Variants in GPR158 observed in about 807,000 individuals in gnomAD.
The protein encoded by GPR158 is G protein-coupled receptor 158.
In GPR158, 30 loss-of-function variants were observed where a neutral mutation model predicts 78.2. The ratio of observed to expected loss-of-function variants is 0.38; its 90% CI spans 0.29 to 0.52. The LOEUF is 0.52. Ranked by LOEUF, GPR158 falls within the 20% of genes least tolerant of loss-of-function variation. GPR158 has a pLI of 0.83. For synonymous variants in GPR158, 581 were observed against 591.1 expected, an observed-to-expected ratio of 0.98 and a Z score of 0.25; for missense variants, 1,463 against 1,523.5, an observed-to-expected ratio of 0.96 and a Z score of 0.66.
chr10:25,500,712 C>T (rs776446394), intron 5 of GPR158, among the ~76,000 whole-genome samples: 1 of 152,128 alleles, frequency 6.6e-6, no homozygotes, highest in Non-Finnish European at 1.5e-5. Context: ...CACATGCATG[C>T]ATTTAAATCT....
intron 2 of GPR158, among the ~76,000 whole-genome samples, chr10:25,324,708 C>T (rs1352448262): frequency 6.6e-6 from 1 of 151,988 alleles, no homozygotes; most frequent in Non-Finnish European, 1.5e-5. Flanking sequence ...ATCTGTGAAG[C>T]ACAATAAAGC....
chr10:25,366,430 T>G (rs1164685432), intron 2 of GPR158, among the ~76,000 whole-genome samples: 3 of 151,708 alleles, frequency 2.0e-5, no homozygotes, highest in African/African-American at 4.8e-5. Flanking sequence ...GTTCTTTTAG[T>G]TTTTAAACTT....
rs1554787189 is a variant in GPR158, at chr10:25,241,279, T to TCCTTTCTTTCTTTC, written c.1008+20123_1008+20124insCTTTCTTTCTTTCC. Reference sequence around the variant, plus strand: ...CTTTCCTTTCTTTCTTTCCTTTCTTTCTTTCTTTTCTTTTCTTTTCTTTTC... The same window carrying TCCTTTCTTTCTTTC: ...CTTTCCTTTCTTTCTTTCCTTTCTTTCCTTTCTTTCTTTCCTTTCTTTTCTTTTCTTTTCTTTTC... On this transcript the variant is annotated intron_variant, in intron 2 of 10. Transcript: ENST00000376351. 3.6e-3 allele frequency among the ~76,000 whole-genome samples: 308 copies of TCCTTTCTTTCTTTC among 86,736 alleles called. 18 individuals carry two copies. The East Asian group carries it at 0.037, about 10-fold the overall frequency. The allele number at this position is 86,736 out of a possible 152,430, so 56.9% of individuals were successfully genotyped here. A position where few individuals can be genotyped will look rare whatever the true frequency, so the allele number is the denominator to read the frequency against.
At chr10:25,389,964 TC>T (rs1834271554) in intron 2 of GPR158, among the ~76,000 whole-genome samples, 1 of 152,206 alleles carries the variant, frequency 6.6e-6, no homozygotes, top group South Asian at 2.1e-4. Context: ...GCAGGTTTTT[TC>T]CATGCTGTTC....
At chr10:25,348,719 A>T (rs1564428990) in intron 2 of GPR158, among the ~76,000 whole-genome samples, 1 of 151,990 alleles carries the variant, frequency 6.6e-6, no homozygotes, top group Admixed American at 6.6e-5. Context: ...TTAATCCAAG[A>T]TAAATTTTTC....
chr10:25,436,065 A>G (rs1276355380), intron 4 of GPR158, among the ~76,000 whole-genome samples: 1 of 152,164 alleles, frequency 6.6e-6, no homozygotes, highest in East Asian at 1.9e-4. Flanking sequence ...AGGATGAGGG[A>G]AGGAAAAATC....
intron 4 of GPR158, among the ~76,000 whole-genome samples, chr10:25,426,605 C>T (rs1834827124): frequency 6.6e-6 from 1 of 152,030 alleles, no homozygotes; most frequent in Admixed American, 6.6e-5. Context: ...GTCAGTGGAG[C>T]AGTCAGAATA....
At chr10:25,368,834 CTT>C (rs993258751) in intron 2 of GPR158, among the ~76,000 whole-genome samples, 2 of 144,134 alleles carry the variant, frequency 1.4e-5, no homozygotes, top group African/African-American at 5.2e-5. Flanking sequence ...TTTGTATCCT[CTT>C]TTATTTCCTT....
chr10:25,364,181 A>G (rs1855684337), intron 2 of GPR158, among the ~76,000 whole-genome samples: 1 of 151,928 alleles, frequency 6.6e-6, no homozygotes, highest in Non-Finnish European at 1.5e-5. Flanking sequence ...CATTGCTATT[A>G]ATATAGCTGG....
intron 2 of GPR158, among the ~76,000 whole-genome samples, chr10:25,393,176 T>G (rs1369508362): frequency 4.6e-5 from 7 of 152,204 alleles, no homozygotes; most frequent in Non-Finnish European, 1.5e-5. Flanking sequence ...GCTGTAGAGT[T>G]AGTTTATAGC....
Position 25,241,419 on chromosome 10 carries a change from T to TCTCTTCTCTTCTCTTC in GPR158, c.1008+20262_1008+20263insCTCTTCTCTTCTCTTC, listed in dbSNP as rs1564399858. ...CTCTTCTCTTCTCTTCTCTTTTCTT[T>TCTCTTCTCTTCTCTTC]TCTTTTCTTTTCTTTTCTTTCGACA... On this transcript the variant is annotated intron_variant, in intron 2 of 10. Coordinates refer to ENST00000376351, the MANE Select transcript of GPR158 (RefSeq NM_020752.3). Among the ~76,000 whole-genome samples the TCTCTTCTCTTCTCTTC allele has an allele frequency of 2.2e-3, 193 of 88,410 alleles. 23 individuals carry two copies. The highest frequency in any genetic ancestry group is 0.01 in the African/African-American group (188 of 18,390). The allele number at this position is 88,410 out of a possible 152,430, so 58.0% of individuals were successfully genotyped here.
intron 2 of GPR158, among the ~76,000 whole-genome samples, chr10:25,255,983 A>G (rs191430205): frequency 1.4e-3 from 211 of 152,314 alleles, no homozygotes; most frequent in African/African-American, 4.8e-3. Flanking sequence ...TACCTTCTGC[A>G]TATGCCATAT....
chr10:25,602,151 T>C lies in GPR158; in HGVS notation c.*2877T>C, dbSNP rs564118721. 2.0e-4 allele frequency: 30 copies of C among 152,764 alleles called. No homozygotes were observed. The East Asian group carries it at 3.9e-3, about 20-fold the overall frequency. 9.5% of individuals were successfully genotyped at this position (152,764 alleles called of 1,614,324 possible). A position where few individuals can be genotyped will look rare whatever the true frequency, so the allele number is the denominator to read the frequency against. On this transcript the variant is annotated 3_prime_UTR_variant, in exon 11 of 11. Coordinates refer to ENST00000376351, the MANE Select transcript of GPR158 (RefSeq NM_020752.3). The stretch of plus-strand genomic sequence containing the variant: ...ACCTACAGCATCCCACCATGAAATA[T>C]TTGGTAAATTTATGTTGTGACGTGT...
chr10:25,504,668 T>G (rs963115544), intron 5 of GPR158, among the ~76,000 whole-genome samples: 1 of 152,214 alleles, frequency 6.6e-6, no homozygotes, highest in African/African-American at 2.4e-5. Flanking sequence ...AATCTTGTTC[T>G]TTAGGTGACA....
intron 2 of GPR158, among the ~76,000 whole-genome samples, chr10:25,285,647 G>C (rs1024317065): frequency 6.6e-6 from 1 of 152,074 alleles, no homozygotes; most frequent in Non-Finnish European, 1.5e-5. Flanking sequence ...CTGGTGGATT[G>C]GATGGTACTC....
At chr10:25,330,768 A>C (rs553816467) in intron 2 of GPR158, among the ~76,000 whole-genome samples, 74 of 152,314 alleles carry the variant, frequency 4.9e-4, no homozygotes, top group African/African-American at 1.6e-3. Context: ...TTTTAGAAAA[A>C]AACACCATTC....
At chr10:25,535,203 C>A (rs1309483928) in intron 5 of GPR158, among the ~76,000 whole-genome samples, 1 of 152,158 alleles carries the variant, frequency 6.6e-6, no homozygotes, top group Non-Finnish European at 1.5e-5. Flanking sequence ...ATGTTCCCTA[C>A]CTCCTGGTAA....
chr10:25,292,058 A>G (rs1177886342), intron 2 of GPR158, among the ~76,000 whole-genome samples: 3 of 152,034 alleles, frequency 2.0e-5, no homozygotes, highest in African/African-American at 4.8e-5. Flanking sequence ...CACTCCAACA[A>G]AGTAGTTAGA....
chr10:25,200,868 G>GTTTTTTTTTTTTTTTTTTTT (rs56696555), intron 1 of GPR158, among the ~76,000 whole-genome samples: 4 of 113,292 alleles, frequency 3.5e-5, no homozygotes, highest in East Asian at 2.4e-4. Context: ...TTTTTGTTTT[G>GTTTTTTTTTTTTTTTTTTTT]TTTTTTTTTT....
Sources: gnomAD v4.1 joint callset for allele counts (sites outside exome capture counted in the v4.1 genomes callset) on GRCh38, gnomAD v4.1.1 for gene constraint, MANE v1.5 for transcripts, NCBI Gene and HGNC (gene_info 2026-07-23, HGNC 2026-07-21) for gene names.